The following PDS5B variants were observed in gnomAD, a reference collection of about 807,000 sequenced individuals.
PDS5B encodes the protein PDS5 cohesin associated factor B.
Under a neutral mutation model 184.1 loss-of-function variants are expected in PDS5B, and 51 were observed. That is an observed-to-expected ratio of 0.28 (90% CI 0.22 to 0.35). The LOEUF (loss-of-function observed/expected upper bound fraction) is 0.35. Ranked by LOEUF, PDS5B falls within the 10% of genes least tolerant of loss-of-function variation. The probability of loss-of-function intolerance (pLI) is 1.00; values close to 1 mark genes in which losing one functional copy is unlikely to be tolerated. For synonymous variants in PDS5B, 566 were observed against 569.2 expected (o/e 0.99, Z 0.08); for missense variants, 1,180 against 1,723.3 (o/e 0.68, Z 5.58).
At chr13:32,619,087 C>T (rs756838379) in intron 1 of PDS5B, among the ~76,000 whole-genome samples, 9 of 152,184 alleles carry the variant, frequency 5.9e-5, no homozygotes, top group Admixed American at 1.3e-4. Flanking sequence ...AGGGCAAATA[C>T]CCCTACCCTG....
intron 1 of PDS5B, among the ~76,000 whole-genome samples, chr13:32,597,914 A>T (rs899910123): frequency 2.6e-5 from 4 of 151,222 alleles, no homozygotes; most frequent in Non-Finnish European, 4.4e-5. Flanking sequence ...ATTTTTTTTT[A>T]AATGAGAGTG....
chr13:32,683,315 ATT>A lies in PDS5B; in HGVS notation c.1058-542_1058-541del, dbSNP rs529817272. ...TGAGCTACCACGCCTGGCCTTTAAA[ATT>A]TTTTTTTTTTTTTTTTTTTTGAGAT... On this transcript the variant is annotated intron_variant, in intron 10 of 34. Coordinates refer to ENST00000315596, the MANE Select transcript of PDS5B (RefSeq NM_015032.4). Among the ~76,000 whole-genome samples, 436 of 119,846 alleles carry A rather than the reference ATT, an allele frequency of 3.6e-3. 1 individual carries two copies. Among genetic ancestry groups the A allele is most frequent in the African/African-American group, 0.012 (375 of 31,584 alleles). 78.6% of individuals were successfully genotyped at this position (119,846 alleles called of 152,430 possible).
chr13:32,662,619 T>C (rs1254715577), intron 6 of PDS5B, among the ~76,000 whole-genome samples: 1 of 152,096 alleles, frequency 6.6e-6, no homozygotes, highest in African/African-American at 2.4e-5. Context: ...AGTTAAAATA[T>C]TTAGAAATGA....
chr13:32,702,331 G>A (rs115966173), intron 17 of PDS5B, among the ~76,000 whole-genome samples: 2 of 152,054 alleles, frequency 1.3e-5, no homozygotes, highest in Admixed American at 1.3e-4. Context: ...TAGTTCTGAG[G>A]TTTAAAAAGC....
intron 1 of PDS5B, among the ~76,000 whole-genome samples, chr13:32,631,766 GA>G (rs1443723102): frequency 1.3e-5 from 2 of 151,820 alleles, no homozygotes; most frequent in Admixed American, 1.3e-4. Context: ...GGATTTAAGG[GA>G]AAAAAAAGTT....
intron 1 of PDS5B, among the ~76,000 whole-genome samples, chr13:32,613,229 A>G (rs1362853881): frequency 6.6e-6 from 1 of 152,220 alleles, no homozygotes; most frequent in African/African-American, 2.4e-5. Flanking sequence ...TTGGACATAT[A>G]TGTTCTTTCT....
chr13:32,595,828 A>C (rs1432474285), intron 1 of PDS5B, among the ~76,000 whole-genome samples: 5 of 152,222 alleles, frequency 3.3e-5, no homozygotes, highest in Non-Finnish European at 7.3e-5. Context: ...GCTGGCAGCC[A>C]CACACAGTGG....
At chr13:32,715,680 C>T (rs1280334428) in intron 19 of PDS5B, among the ~76,000 whole-genome samples, 5 of 152,156 alleles carry the variant, frequency 3.3e-5, no homozygotes, top group Admixed American at 3.3e-4. Flanking sequence ...CCCTCTCCCT[C>T]TCTTTCCACG....
chr13:32,602,014 A>G (rs1243737582), intron 1 of PDS5B, among the ~76,000 whole-genome samples: 1 of 151,898 alleles, frequency 6.6e-6, no homozygotes, highest in African/African-American at 2.4e-5. Flanking sequence ...AGGTTTTAAT[A>G]TTTGATCTTG....
rs546641613 is a variant in PDS5B, at chr13:32,777,351, C to CTTTTTTTT, written c.*2307_*2314dup. On this transcript the variant is annotated 3_prime_UTR_variant, in exon 35 of 35. Coordinates refer to ENST00000315596, the MANE Select transcript of PDS5B (RefSeq NM_015032.4). ...ATGTAAATTTTTCTTTTCTTTCTTT[C>CTTTTTTTT]TTTTTTTTTTTTTTTGTGTAGAAAA... The CTTTTTTTT allele has an allele frequency of 4.0e-4, 52 of 129,546 alleles. No homozygotes were observed. The highest frequency in any genetic ancestry group is 5.1e-4 in the African/African-American group (18 of 35,296). The allele number at this position is 129,546 out of a possible 1,614,324, so 8.0% of individuals were successfully genotyped here. A position where few individuals can be genotyped will look rare whatever the true frequency, so the allele number is the denominator to read the frequency against.
At chr13:32,594,231 T>C (rs774639268) in intron 1 of PDS5B, among the ~76,000 whole-genome samples, 1 of 152,126 alleles carries the variant, frequency 6.6e-6, no homozygotes, top group Non-Finnish European at 1.5e-5. Context: ...GGTGCCAAAA[T>C]GTAAGTACAC....
intron 20 of PDS5B, among the ~76,000 whole-genome samples, chr13:32,734,022 ATTTTG>A (rs1180528441): frequency 6.6e-6 from 1 of 150,942 alleles, no homozygotes; most frequent in Non-Finnish European, 1.5e-5. Context: ...ACAAACATAT[ATTTTG>A]TTTTCTTTTT....
chr13:32,593,992 TC>T (rs762859639), intron 1 of PDS5B, among the ~76,000 whole-genome samples: 1 of 152,224 alleles, frequency 6.6e-6, no homozygotes, highest in Non-Finnish European at 1.5e-5. Context: ...TTTTGAATGT[TC>T]CCAACACAAA....
At chr13:32,695,143 T>G (rs1951665926) in intron 14 of PDS5B, among the ~76,000 whole-genome samples, 1 of 151,680 alleles carries the variant, frequency 6.6e-6, no homozygotes, top group Non-Finnish European at 1.5e-5. Flanking sequence ...TGGTTTATAG[T>G]GACCCTCTCA....
chr13:32,614,771 C>G (rs570934183), intron 1 of PDS5B, among the ~76,000 whole-genome samples: 1 of 152,330 alleles, frequency 6.6e-6, no homozygotes, highest in Non-Finnish European at 1.5e-5. Context: ...TGGCTCAAGT[C>G]AAAACATTTT....
At chr13:32,657,342 T>C (rs550020008) in intron 3 of PDS5B, among the ~76,000 whole-genome samples, 3 of 152,328 alleles carry the variant, frequency 2.0e-5, no homozygotes, top group Non-Finnish European at 4.4e-5. Context: ...TCTTTGTCAT[T>C]GTTGGTTTAA....
chr13:32,700,257 C>T (rs1378897382), intron 16 of PDS5B, among the ~76,000 whole-genome samples: 2 of 151,960 alleles, frequency 1.3e-5, no homozygotes, highest in Non-Finnish European at 2.9e-5. Context: ...TTGATTCTTT[C>T]TTTAGGATAA....
chr13:32,756,156 A>G (rs1181064910), intron 26 of PDS5B, among the ~76,000 whole-genome samples, 200 bp downstream of exon 26: 1 of 152,094 alleles, frequency 6.6e-6, no homozygotes, highest in South Asian at 2.1e-4. Flanking sequence ...CCCAAAACTT[A>G]ATCATAATTA....
chr13:32,702,572 G>C (rs1951892546), intron 17 of PDS5B, among the ~76,000 whole-genome samples: 1 of 152,138 alleles, frequency 6.6e-6, no homozygotes, highest in South Asian at 2.1e-4. Flanking sequence ...TATTGAAAGA[G>C]GATATCTCTA....
Sources: gnomAD v4.1 joint callset for allele counts (sites outside exome capture counted in the v4.1 genomes callset) on GRCh38, gnomAD v4.1.1 for gene constraint, MANE v1.5 for transcripts, NCBI Gene and HGNC (gene_info 2026-07-23, HGNC 2026-07-21) for gene names.